PTPRK: variants seen among roughly 807,000 people sequenced by gnomAD.
The protein encoded by PTPRK is protein tyrosine phosphatase receptor type K, also known as receptor-type tyrosine-protein phosphatase kappa.
A neutral mutation model predicts 178.0 loss-of-function variants in PTPRK; 75 were observed. That is an observed-to-expected ratio of 0.42 (90% CI 0.35 to 0.51). The LOEUF (loss-of-function observed/expected upper bound fraction) is 0.51, where lower values mean the gene tolerates loss of function less well. Ranked by LOEUF, PTPRK falls within the 20% of genes least tolerant of loss-of-function variation. The pLI is 0.02. For missense variants in PTPRK, 1,441 were observed against 1,797.8 expected, an observed-to-expected ratio of 0.80 and a Z score of 3.59; for synonymous variants, 637 against 620.6, an observed-to-expected ratio of 1.03 and a Z score of -0.39.
chr6:128,150,992 A>C (rs1361674363), intron 7 of PTPRK, among the ~76,000 whole-genome samples: 10 of 152,128 alleles, frequency 6.6e-5, no homozygotes, highest in Admixed American at 6.6e-4. Flanking sequence ...ATAGCATATC[A>C]TGTTACAAGG....
In PTPRK at chr6:128,000,914, A is replaced by T. The variant is rs370880666; in HGVS notation, c.2495-2010T>A. Among the ~76,000 whole-genome samples the T allele has an allele frequency of 3.4e-4, 52 of 152,134 alleles. 1 individual carries two copies. The East Asian group carries it at 8.6e-3, about 25-fold the overall frequency. ...AGTGAGAAACACAGAATTCACCCAT[A>T]TTCCAAATCTTACAGATGATTGTGT... is the stretch of plus-strand genomic sequence containing the variant. On this transcript the variant is annotated intron_variant, in intron 15 of 29. Transcript: ENST00000368226.
chr6:128,431,688 C>T (rs1844854646), intron 1 of PTPRK, among the ~76,000 whole-genome samples: 1 of 152,168 alleles, frequency 6.6e-6, no homozygotes, highest in Non-Finnish European at 1.5e-5. Flanking sequence ...TTTCTTTCTT[C>T]CTTTCTTAAT....
At chr6:128,156,215 A>C (rs544387636) in intron 7 of PTPRK, among the ~76,000 whole-genome samples, 1 of 152,098 alleles carries the variant, frequency 6.6e-6, no homozygotes, top group African/African-American at 2.4e-5. Context: ...AATAAAAACA[A>C]AAAATATGGA....
intron 1 of PTPRK, among the ~76,000 whole-genome samples, chr6:128,415,147 A>C (rs1249321524): frequency 6.6e-6 from 1 of 152,192 alleles, no homozygotes; most frequent in African/African-American, 2.4e-5. Context: ...GAAGTATTAC[A>C]AAATCACACA....
chr6:128,433,054 T>C (rs1208543560), intron 1 of PTPRK, among the ~76,000 whole-genome samples: 3 of 152,228 alleles, frequency 2.0e-5, no homozygotes, highest in East Asian at 1.9e-4. Flanking sequence ...ATGTATACAA[T>C]ATGTATTGAT....
At chr6:128,111,027 G>T (rs1790567283) in intron 7 of PTPRK, among the ~76,000 whole-genome samples, 1 of 152,072 alleles carries the variant, frequency 6.6e-6, no homozygotes, top group East Asian at 1.9e-4. Context: ...TGACACAATT[G>T]TTGCAAGCTT....
At chr6:128,318,178 T>C (rs1828296557) in intron 3 of PTPRK, among the ~76,000 whole-genome samples, 1 of 152,158 alleles carries the variant, frequency 6.6e-6, no homozygotes, top group Non-Finnish European at 1.5e-5. Flanking sequence ...ACTCTTTGCA[T>C]GGATGGTTCA....
At chr6:128,370,410 CT>C (rs1223191018) in intron 2 of PTPRK, among the ~76,000 whole-genome samples, 1 of 152,040 alleles carries the variant, frequency 6.6e-6, no homozygotes, top group Non-Finnish European at 1.5e-5. Flanking sequence ...GCTATTGCCC[CT>C]GATATACATT....
chr6:128,456,853 C>T (rs1373359719), intron 1 of PTPRK, among the ~76,000 whole-genome samples: 2 of 152,042 alleles, frequency 1.3e-5, no homozygotes, highest in Non-Finnish European at 2.9e-5. Flanking sequence ...TTATTCACTT[C>T]ATGTGTGGTT....
intron 2 of PTPRK, among the ~76,000 whole-genome samples, chr6:128,325,233 T>C (rs1290133591): frequency 6.6e-6 from 1 of 152,110 alleles, no homozygotes; most frequent in Non-Finnish European, 1.5e-5. Flanking sequence ...GTGCAACCTT[T>C]ATAGACAGCA....
intron 7 of PTPRK, among the ~76,000 whole-genome samples, chr6:128,116,720 A>ATG (rs1484950105): frequency 1.3e-5 from 2 of 152,250 alleles, no homozygotes; most frequent in Non-Finnish European, 2.9e-5. Flanking sequence ...TTGGCAAGGT[A>ATG]TGTAATCTTT....
At chr6:128,501,639 A>C (rs551855263) in intron 1 of PTPRK, among the ~76,000 whole-genome samples, 1 of 152,220 alleles carries the variant, frequency 6.6e-6, no homozygotes, top group South Asian at 2.1e-4. Flanking sequence ...TTTTTGTCCT[A>C]TATAAACAAA....
Position 128,168,810 on chromosome 6 carries a change from T to C in PTPRK, c.1162+15622A>G, listed in dbSNP as rs551904382. Among the ~76,000 whole-genome samples the C allele has an allele frequency of 2.6e-5, 4 of 152,170 alleles. No individual in the cohort carries two copies. In the East Asian group the frequency reaches 7.8e-4, roughly 30 times the overall value. The stretch of plus-strand genomic sequence containing the variant: ...GGGGACCGCTGCACTACAGCATTAT[T>C]CACAATAGCCAAGATATGAAAACAA... On this transcript the variant is annotated intron_variant, in intron 7 of 29. Transcript: ENST00000368226.
At chr6:128,215,033 T>TTGACA (rs1485851466) in intron 6 of PTPRK, among the ~76,000 whole-genome samples, 1 of 152,184 alleles carries the variant, frequency 6.6e-6, no homozygotes, top group Non-Finnish European at 1.5e-5. Flanking sequence ...TGACTAGTAA[T>TTGACA]TGACACTAAA....
At chr6:128,220,303 T>C (rs377453801) in intron 5 of PTPRK, among the ~76,000 whole-genome samples, 2 of 152,084 alleles carry the variant, frequency 1.3e-5, no homozygotes, top group East Asian at 1.9e-4. Context: ...GAATAGGGTA[T>C]AAAAAAGAGA....
chr6:127,972,423 C>T lies in PTPRK; in HGVS notation c.4269+599G>A, dbSNP rs1469893073. On this transcript the variant is annotated intron_variant, in intron 29 of 29. Coordinates refer to ENST00000368226, the MANE Select transcript of PTPRK (RefSeq NM_002844.4). ...TTTCTTACTCTGCATACAGCTTCAC[C>T]TAGATGAACTGTCACACACACACAT... Among the ~76,000 whole-genome samples the T allele has an allele frequency of 5.3e-5, 8 of 152,206 alleles. No homozygotes were observed. In the South Asian group the frequency reaches 1.0e-3, roughly 20 times the overall value.
intron 19 of PTPRK, 140 bp downstream of exon 19, chr6:127,992,533 C>A (rs920875333): frequency 1.1e-5 from 7 of 628,952 alleles, no homozygotes; most frequent in Non-Finnish European, 1.9e-5. Context: ...TTGTACTATA[C>A]AAATGAGTAA....
In PTPRK at chr6:128,005,227, C is replaced by G. The variant is rs143992147; in HGVS notation, c.2351G>C (p.Arg784Pro). ...CCGGGTATTCCCCATGGCATCTTTGCGTTTTTTAGCAAGTTTGCTGCCAAG... is the reference window on the plus strand; with the variant it reads ...CCGGGTATTCCCCATGGCATCTTTGGGTTTTTTAGCAAGTTTGCTGCCAAG... ...IVKKSKLAKK[R>P]KDAMGNTRQE... Residue 784 changes from arginine to proline, a missense_variant, in exon 15 of 30, where the codon CGC (arginine) becomes CCC (proline). Coordinates refer to ENST00000368226, the MANE Select transcript of PTPRK (RefSeq NM_002844.4). 6.2e-7 allele frequency: 1 copy of G among 1,610,840 alleles called. No individual in the cohort carries two copies. Among genetic ancestry groups the G allele is most frequent in the East Asian group, 2.2e-5 (1 of 44,774 alleles).
chr6:128,170,590 G>C (rs1321876350), intron 7 of PTPRK, among the ~76,000 whole-genome samples: 1 of 151,962 alleles, frequency 6.6e-6, no homozygotes. Context: ...TCTTAGGAGT[G>C]CCACCTTGGG....
Sources: gnomAD v4.1 joint callset for allele counts (sites outside exome capture counted in the v4.1 genomes callset) on GRCh38, gnomAD v4.1.1 for gene constraint, MANE v1.5 for transcripts, NCBI Gene and HGNC (gene_info 2026-07-23, HGNC 2026-07-21) for gene names.